Variants in DPP6 observed in about 807,000 individuals in gnomAD.
DPP6 encodes dipeptidyl peptidase like 6.
Under a neutral mutation model 122.6 loss-of-function variants are expected in DPP6, and 69 were observed. The observed-to-expected ratio is 0.56, with a 90% CI of 0.46 to 0.69. DPP6 has a LOEUF of 0.69. Ranked by LOEUF, DPP6 falls within the 30% of genes least tolerant of loss-of-function variation. The pLI, the probability that DPP6 is intolerant of heterozygous loss-of-function variation, is 0.00. For synonymous variants in DPP6, 418 were observed against 433.1 expected, an observed-to-expected ratio of 0.97 and a Z score of 0.43; for missense variants, 928 against 1,116.9, an observed-to-expected ratio of 0.83 and a Z score of 2.41.
At chr7:154,553,309 C>G (rs1233384906) in intron 4 of DPP6, among the ~76,000 whole-genome samples, 1 of 152,164 alleles carries the variant, frequency 6.6e-6, no homozygotes, top group Non-Finnish European at 1.5e-5. Context: ...TCTATGTTGT[C>G]TGGGGTTTTT....
At chr7:154,619,303 C>G (rs1222741883) in intron 5 of DPP6, among the ~76,000 whole-genome samples, 2 of 152,230 alleles carry the variant, frequency 1.3e-5, no homozygotes, top group African/African-American at 4.8e-5. Flanking sequence ...CTACTAGTAT[C>G]TTCAAATCAA....
intron 1 of DPP6, among the ~76,000 whole-genome samples, chr7:154,090,615 C>T (rs534397567): frequency 2.6e-5 from 4 of 151,900 alleles, no homozygotes; most frequent in Non-Finnish European, 4.4e-5. Context: ...CCCATAGAGG[C>T]GCCTGCAGAG....
chr7:154,507,257 A>C (rs1250097376), intron 3 of DPP6, among the ~76,000 whole-genome samples: 1 of 150,754 alleles, frequency 6.6e-6, no homozygotes, highest in Non-Finnish European at 1.5e-5. Context: ...AATCAAATAA[A>C]GAGTTTTAAG....
At chr7:154,063,640 C>G (rs6969579) in intron 1 of DPP6, among the ~76,000 whole-genome samples, 14,709 of 69,392 alleles carry the variant, frequency 0.21, 367 homozygotes, top group African/African-American at 0.38. Context: ...CTGAGAGCCA[C>G]TCCCTCTTCC....
chr7:154,127,603 A>T (rs879402316), intron 1 of DPP6, among the ~76,000 whole-genome samples: 2,469 of 61,260 alleles, frequency 0.04, 30 homozygotes, highest in Middle Eastern at 0.1. Context: ...CATCTCACAC[A>T]CACACACACA....
chr7:154,757,953 C>T (rs916316836), intron 8 of DPP6, among the ~76,000 whole-genome samples: 3 of 152,192 alleles, frequency 2.0e-5, no homozygotes, highest in African/African-American at 7.2e-5. Flanking sequence ...TGGCCCCAAC[C>T]AAGTGCCGCG....
Position 153,988,910 on chromosome 7 carries a change from G to A in DPP6, c.51+101176G>A, listed in dbSNP as rs567165560. On this transcript the variant is annotated intron_variant, in intron 1 of 25. Transcript: ENST00000404039. ...GAGCGGTGATGTATGGAAGTCAGGC[G>A]GGCCAGCGCGCCGGGAGTGGTGGGA... Among the ~76,000 whole-genome samples the A allele has an allele frequency of 9.3e-5, 14 of 149,744 alleles. No individual in the cohort carries two copies. In the South Asian group the frequency reaches 2.5e-3, roughly 27 times the overall value.
intron 9 of DPP6, among the ~76,000 whole-genome samples, chr7:154,772,105 T>C (rs2150382300): frequency 6.6e-6 from 1 of 152,330 alleles, no homozygotes; most frequent in East Asian, 1.9e-4. Context: ...GCTGGGATTA[T>C]GAAATCCCAG....
intron 1 of DPP6, among the ~76,000 whole-genome samples, chr7:153,909,583 T>C (rs1322044997): frequency 6.6e-6 from 1 of 152,196 alleles, no homozygotes; most frequent in African/African-American, 2.4e-5. Flanking sequence ...CATCTGACTT[T>C]GGTTCTTACC....
chr7:154,757,066 C>T (rs1399056930), intron 8 of DPP6, among the ~76,000 whole-genome samples: 2 of 151,532 alleles, frequency 1.3e-5, no homozygotes, highest in African/African-American at 4.9e-5. Flanking sequence ...CTTTCCATCC[C>T]TCACGGCCCC....
chr7:154,220,427 G>T (rs910044070), intron 1 of DPP6, among the ~76,000 whole-genome samples: 1 of 152,192 alleles, frequency 6.6e-6, no homozygotes, highest in Admixed American at 6.5e-5. Flanking sequence ...AACTGGGGAA[G>T]GTGGGAGGAG....
At position 154,624,798 on chromosome 7, in the gene DPP6, T is replaced by C. The variant is rs1472795692; in HGVS notation, c.628-13023T>C. Among the ~76,000 whole-genome samples the C allele has an allele frequency of 6.6e-6, 1 of 152,116 alleles. No homozygotes were observed. The highest frequency in any genetic ancestry group is 1.5e-5 in the Non-Finnish European group (1 of 68,020). ...GACCCCACCCCAGGATTCTTACCAG[T>C]AGTGATGGGTGAGAAACACTGGCTA... On this transcript the variant is annotated intron_variant, in intron 5 of 25. Transcript: ENST00000377770. This position sits in a 1 kb window ranked among gnomAD's most constrained non-coding sequence, Gnocchi z 4.7.
Position 154,794,090 on chromosome 7 carries a change from T to A in DPP6, c.1148T>A (p.Ile383Asn). 1 of 1,613,576 alleles carries A rather than the reference T, an allele frequency of 6.2e-7. No individual in the cohort carries two copies. The highest frequency in any genetic ancestry group is 8.5e-7 in the Non-Finnish European group (1 of 1,179,684). Reference protein sequence around the residue: ...PDDPRMREYYITMVKWATSTK... With the variant: ...PDDPRMREYYNTMVKWATSTK... Reference sequence around the variant, plus strand: ...TTTGGCGTTTCCAGGGAGTACTACATCACCATGGTGAAGTGGGCCACCAGC... The same window carrying A: ...TTTGGCGTTTCCAGGGAGTACTACAACACCATGGTGAAGTGGGCCACCAGC... The change falls in exon 11 of 26, where the codon ATC becomes AAC. Residue 383 changes from isoleucine to asparagine, a missense_variant. Coordinates refer to ENST00000377770, the MANE Select transcript of DPP6 (RefSeq NM_130797.4).
chr7:153,877,371 C>A, the DPP6 span, among the ~76,000 whole-genome samples: 1 of 152,044 alleles, frequency 6.6e-6, no homozygotes, highest in Non-Finnish European at 1.5e-5. Flanking sequence ...AATTAAGACA[C>A]ACACACAATT....
chr7:154,361,329 T>C (rs1811705944), intron 1 of DPP6, among the ~76,000 whole-genome samples: 1 of 152,164 alleles, frequency 6.6e-6, no homozygotes, highest in African/African-American at 2.4e-5. Flanking sequence ...TTGTTCCTCA[T>C]TTTCTCGGAA....
chr7:154,105,262 C>T (rs1395201590), intron 1 of DPP6, among the ~76,000 whole-genome samples: 1 of 152,194 alleles, frequency 6.6e-6, no homozygotes, highest in South Asian at 2.1e-4. Context: ...ATGCTGTGTT[C>T]CTTCTTTGAT....
At chr7:154,873,750 CCACA>C (rs1362557418) in intron 19 of DPP6, among the ~76,000 whole-genome samples, 3 of 151,870 alleles carry the variant, frequency 2.0e-5, no homozygotes, top group African/African-American at 7.3e-5. Flanking sequence ...ACACACGCAC[CCACA>C]CACAGGCACA....
At chr7:153,787,833 A>G in the DPP6 span, among the ~76,000 whole-genome samples, 1 of 65,782 alleles carries the variant, frequency 1.5e-5, no homozygotes, top group Admixed American at 2.6e-4. Flanking sequence ...GTGATTTACA[A>G]TTTCTTTTTT....
chr7:154,186,895 G>A, intron 1 of DPP6, among the ~76,000 whole-genome samples: 1 of 152,356 alleles, frequency 6.6e-6, no homozygotes, highest in South Asian at 2.1e-4. Context: ...GGATTTAAAA[G>A]CCTCTTAATG....
Sources: allele counts gnomAD v4.1 joint callset (sites outside exome capture counted in the v4.1 genomes callset), GRCh38; gene constraint gnomAD v4.1.1; non-coding constraint Gnocchi (gnomAD v3.1); transcripts MANE v1.5; gene names NCBI Gene and HGNC (gene_info 2026-07-23, HGNC 2026-07-21).